NINJ1: variants seen among roughly 807,000 people sequenced by gnomAD.
The protein encoded by NINJ1 is ninjurin-1.
A neutral mutation model predicts 12.7 loss-of-function variants in NINJ1; 6 were observed. The observed-to-expected ratio is 0.47, with a 90% CI of 0.26 to 0.93. NINJ1 has a LOEUF of 0.93. Ranked by LOEUF, NINJ1 falls within the 40% of genes least tolerant of loss-of-function variation. NINJ1 has a pLI of 0.15. For synonymous variants in NINJ1, 100 were observed against 96.0 expected (o/e 1.04, Z -0.25); for missense variants, 170 against 213.0 (o/e 0.80, Z 1.26).
At chr9:93,130,518 T>A (rs1827877949) in intron 1 of NINJ1, among the ~76,000 whole-genome samples, 1 of 152,132 alleles carries the variant, frequency 6.6e-6, no homozygotes, top group African/African-American at 2.4e-5. Context: ...CAGGGGCCTG[T>A]GAGGAGTAGG....
chr9:93,125,894 AAAAAC>A (rs142138005), intron 2 of NINJ1: 23,453 of 157,576 alleles, frequency 0.15, 1,861 homozygotes, highest in African/African-American at 0.19. Context: ...ACCCGGTTTC[AAAAAC>A]AAAACAAAAC....
At chr9:93,129,114 G>A (rs1036223845) in intron 1 of NINJ1, among the ~76,000 whole-genome samples, 3 of 152,130 alleles carry the variant, frequency 2.0e-5, no homozygotes, top group Non-Finnish European at 2.9e-5. Flanking sequence ...CCCCAGCCAC[G>A]AGGAGCCTGT....
intron 3 of NINJ1, among the ~76,000 whole-genome samples, 153 bp from the exon 4 acceptor site, chr9:93,122,383 T>C: frequency 7.9e-6 from 1 of 126,186 alleles, no homozygotes; most frequent in Admixed American, 7.8e-5. Context: ...GGTCTGAGCC[T>C]GGAAGGAGGA....
chr9:93,126,267 T>G (rs1827807639), intron 2 of NINJ1, 143 bp downstream of exon 2: 1 of 647,808 alleles, frequency 1.5e-6, no homozygotes, highest in Non-Finnish European at 2.6e-6. Context: ...CTTCCTGGAC[T>G]GCATGTCTGG....
intron 1 of NINJ1, among the ~76,000 whole-genome samples, chr9:93,133,440 A>T (rs1165052689): frequency 1.3e-5 from 2 of 152,224 alleles, no homozygotes; most frequent in Non-Finnish European, 2.9e-5. Flanking sequence ...GGTGCTCAGT[A>T]AGTGCTGAGT....
chr9:93,133,611 C>G (rs1466063638), intron 1 of NINJ1, among the ~76,000 whole-genome samples: 1 of 152,222 alleles, frequency 6.6e-6, no homozygotes, highest in Non-Finnish European at 1.5e-5. Context: ...GAATAGGGAC[C>G]ACAGCGGGCC....
At chr9:93,126,249 G>A in intron 2 of NINJ1, 161 bp downstream of exon 2, 1 of 597,562 alleles carries the variant, frequency 1.7e-6, no homozygotes, top group Non-Finnish European at 2.9e-6. Flanking sequence ...GGGGGAGGGG[G>A]GGTGCCACTT....
chr9:93,124,499 T>C (rs1446832930), intron 3 of NINJ1, among the ~76,000 whole-genome samples: 1 of 152,130 alleles, frequency 6.6e-6, no homozygotes, highest in Non-Finnish European at 1.5e-5. Flanking sequence ...GGTCTCGAAC[T>C]CCTGACCTCA....
intron 3 of NINJ1, among the ~76,000 whole-genome samples, chr9:93,123,769 C>T (rs3793662): frequency 0.78 from 117,982 of 152,196 alleles, 46,120 homozygotes; most frequent in East Asian, 0.89. Context: ...CCTAAGGTCG[C>T]GGGGACTGTG....
intron 3 of NINJ1, among the ~76,000 whole-genome samples, chr9:93,123,745 G>A (rs1827769308): frequency 6.6e-6 from 1 of 152,254 alleles, no homozygotes; most frequent in South Asian, 2.1e-4. Context: ...CAAACCGGAG[G>A]GGTGACCCCT....
chr9:93,132,999 C>G (rs1193382335), intron 1 of NINJ1, among the ~76,000 whole-genome samples: 1 of 152,218 alleles, frequency 6.6e-6, no homozygotes, highest in Non-Finnish European at 1.5e-5. Context: ...GTCTAAAAGG[C>G]CCAGCGAGGT....
At chr9:93,122,893 AGCACACAC>A (rs1336759395) in intron 3 of NINJ1, among the ~76,000 whole-genome samples, 1 of 152,266 alleles carries the variant, frequency 6.6e-6, no homozygotes, top group East Asian at 1.9e-4. Flanking sequence ...GACTGCATTC[AGCACACAC>A]AGCAGGTGAT....
chr9:93,126,475 A>G lies in NINJ1; in HGVS notation c.239T>C (p.Leu80Pro). Reference protein sequence around the residue: ...QGPSFAFYVPLVVLISISLVL... With the variant: ...QGPSFAFYVPPVVLISISLVL... ...AAGGGAGATGGAGATGAGGACCACC[A>G]GGGGCACATAGAAGGCGAAGCTGGG... Residue 80 changes from leucine to proline, a missense_variant, in exon 2 of 4, where the codon CTG becomes CCG. By Grantham distance (98) the Leu-to-Pro change is moderately conservative. Transcript: ENST00000375446. 6.2e-7 allele frequency: 1 copy of G among 1,614,174 alleles called. No individual in the cohort carries two copies. The highest frequency in any genetic ancestry group is 1.3e-5 in the African/African-American group (1 of 75,034).
intron 3 of NINJ1, 108 bp downstream of exon 3, chr9:93,124,791 C>CT (rs1827785274): frequency 8.0e-7 from 1 of 1,246,424 alleles, no homozygotes; most frequent in African/African-American, 1.5e-5. Context: ...TGCCCATGGC[C>CT]TAGGAAGGTG....
intron 1 of NINJ1, among the ~76,000 whole-genome samples, chr9:93,128,518 T>C (rs952074620): frequency 1.3e-5 from 2 of 152,212 alleles, no homozygotes; most frequent in African/African-American, 4.8e-5. Context: ...TGCCTGGCAC[T>C]GAGGTCGTCT....
intron 3 of NINJ1, 121 bp downstream of exon 3, chr9:93,124,778 G>T: frequency 9.2e-7 from 1 of 1,081,316 alleles, no homozygotes; most frequent in Non-Finnish European, 1.3e-6. Flanking sequence ...GTGTGGACGA[G>T]GATGCCCATG....
At chr9:93,132,787 C>G (rs1827915554) in intron 1 of NINJ1, among the ~76,000 whole-genome samples, 1 of 152,242 alleles carries the variant, frequency 6.6e-6, no homozygotes, top group African/African-American at 2.4e-5. Flanking sequence ...TCAGGAGGCA[C>G]AGCCTATCCT....
In NINJ1 at chr9:93,126,588, G is replaced by C; in HGVS notation, c.126C>G (p.Ala42=). 1.2e-6 allele frequency: 2 copies of C among 1,613,478 alleles called. No homozygotes were observed. The highest frequency in any genetic ancestry group is 1.7e-6 in the Non-Finnish European group (2 of 1,179,608). ...TGCTCTCGGCTGCGCTCTTCTTGCT[G>C]GCGTAATGGTTCACGTTGATGGGCC... ...RHGPINVNHY[A]SKKSAAESML... Residue 42 remains alanine (A), a synonymous_variant, in exon 2 of 4, where the codon GCC becomes GCG. Coordinates refer to ENST00000375446, the MANE Select transcript of NINJ1 (RefSeq NM_004148.4).
intron 2 of NINJ1, 82 bp downstream of exon 2, chr9:93,126,328 T>C: frequency 8.2e-7 from 1 of 1,226,350 alleles, no homozygotes; most frequent in Non-Finnish European, 1.2e-6. Context: ...GTGTGCAAGG[T>C]GGTGGGCACC....
Sources: gnomAD v4.1 joint callset for allele counts (sites outside exome capture counted in the v4.1 genomes callset) on GRCh38, gnomAD v4.1.1 for gene constraint, MANE v1.5 for transcripts, NCBI Gene and HGNC (gene_info 2026-07-23, HGNC 2026-07-21) for gene names.